The following PALM2AKAP2 variants were observed in gnomAD, a reference collection of about 807,000 sequenced individuals.
PALM2AKAP2 encodes PALM2 and AKAP2 fusion.
Under a neutral mutation model 71.5 loss-of-function variants are expected in PALM2AKAP2, and 37 were observed. That is an observed-to-expected ratio of 0.52 (90% CI 0.40 to 0.68). PALM2AKAP2 has a LOEUF of 0.68. Among genes scored for constraint, PALM2AKAP2 ranks in the 30% least tolerant of loss-of-function variants. The probability of loss-of-function intolerance (pLI) is 0.00; values close to 1 mark genes in which losing one functional copy is unlikely to be tolerated. For synonymous variants in PALM2AKAP2, 468 were observed against 478.8 expected, an observed-to-expected ratio of 0.98 and a Z score of 0.29; for missense variants, 1,224 against 1,191.8, an observed-to-expected ratio of 1.03 and a Z score of -0.40.
At chr9:109,881,852 C>T (rs1402193216) in intron 3 of PALM2AKAP2, among the ~76,000 whole-genome samples, 2 of 142,408 alleles carry the variant, frequency 1.4e-5, no homozygotes, top group Non-Finnish European at 3.1e-5. Flanking sequence ...GGAGCTTCAT[C>T]TCTGTCTTCT....
chr9:109,745,385 T>C (rs1022568405), intron 1 of PALM2AKAP2, among the ~76,000 whole-genome samples: 1 of 152,084 alleles, frequency 6.6e-6, no homozygotes, highest in Non-Finnish European at 1.5e-5. Context: ...AGGCTCATAG[T>C]TCCAGGCTCT....
chr9:109,827,657 A>G (rs1341069382), intron 1 of PALM2AKAP2, among the ~76,000 whole-genome samples: 1 of 152,160 alleles, frequency 6.6e-6, no homozygotes, highest in East Asian at 1.9e-4. Context: ...TGATCTACTG[A>G]ATGAGAATCC....
intron 1 of PALM2AKAP2, among the ~76,000 whole-genome samples, chr9:109,826,003 G>A (rs1474887182): frequency 2.0e-5 from 3 of 152,154 alleles, no homozygotes; most frequent in African/African-American, 4.8e-5. Context: ...AGAAAATGTG[G>A]CACATATGCA....
chr9:109,665,740 C>T (rs1459610922), intron 1 of PALM2AKAP2, among the ~76,000 whole-genome samples: 1 of 152,182 alleles, frequency 6.6e-6, no homozygotes, highest in Non-Finnish European at 1.5e-5. Flanking sequence ...CAGACTGGGA[C>T]GTTTAAATCT....
chr9:109,788,441 C>G (rs972341533), intron 1 of PALM2AKAP2, among the ~76,000 whole-genome samples: 1 of 152,200 alleles, frequency 6.6e-6, no homozygotes, highest in Non-Finnish European at 1.5e-5. Flanking sequence ...AACGTTAGTG[C>G]ATTAGGATCA....
At chr9:109,809,129 C>G (rs1827660255) in intron 1 of PALM2AKAP2, among the ~76,000 whole-genome samples, 1 of 152,184 alleles carries the variant, frequency 6.6e-6, no homozygotes, top group Admixed American at 6.5e-5. Flanking sequence ...ACACAGTGTC[C>G]CCACTAGGGC....
At chr9:109,965,076 G>A (rs1190137890) in intron 6 of PALM2AKAP2, among the ~76,000 whole-genome samples, 1 of 152,146 alleles carries the variant, frequency 6.6e-6, no homozygotes, top group Admixed American at 6.5e-5. Flanking sequence ...AAAATAAAAT[G>A]TTTATTAGTA....
At chr9:110,108,132 T>G (rs935298242) in intron 1 of PALM2AKAP2, among the ~76,000 whole-genome samples, 3 of 150,536 alleles carry the variant, frequency 2.0e-5, no homozygotes, top group African/African-American at 7.3e-5. Context: ...TTTTTTTTTT[T>G]GAGATGGAGT....
upstream of PALM2AKAP2, among the ~76,000 whole-genome samples, chr9:109,775,266 A>G (rs142497790): frequency 1.2e-4 from 18 of 152,332 alleles, no homozygotes; most frequent in East Asian, 3.1e-3. Flanking sequence ...ATTGATATTC[A>G]TTTCTAGCCA....
At chr9:110,152,485 T>C (rs1836344186) in intron 2 of PALM2AKAP2, among the ~76,000 whole-genome samples, 2 of 151,990 alleles carry the variant, frequency 1.3e-5, no homozygotes, top group South Asian at 4.2e-4. Context: ...CCATCATGGT[T>C]TGGGGAGTCT....
chr9:109,914,770 A>C (rs552707512), intron 3 of PALM2AKAP2, among the ~76,000 whole-genome samples: 127 of 152,298 alleles, frequency 8.3e-4, no homozygotes, highest in Middle Eastern at 3.4e-3. Flanking sequence ...GCGTAACCCT[A>C]GTCTATGTCT....
At chr9:109,833,874 C>G (rs540837120) in intron 1 of PALM2AKAP2, among the ~76,000 whole-genome samples, 1 of 152,304 alleles carries the variant, frequency 6.6e-6, no homozygotes, top group East Asian at 1.9e-4. Context: ...CCTCTGCTAC[C>G]TCCTTAAGGG....
At chr9:109,732,052 G>A (rs1167014001) in intron 1 of PALM2AKAP2, among the ~76,000 whole-genome samples, 1 of 152,202 alleles carries the variant, frequency 6.6e-6, no homozygotes, top group Non-Finnish European at 1.5e-5. Context: ...ACTTTGGCAG[G>A]AAGGACAATG....
chr9:109,955,467 A>G (rs1831729240), intron 6 of PALM2AKAP2, among the ~76,000 whole-genome samples: 1 of 152,244 alleles, frequency 6.6e-6, no homozygotes, highest in Non-Finnish European at 1.5e-5. Context: ...GATACTTTGT[A>G]GTCAACACCT....
chr9:109,821,426 C>T (rs188749120), intron 1 of PALM2AKAP2, among the ~76,000 whole-genome samples: 103 of 152,262 alleles, frequency 6.8e-4, no homozygotes, highest in Non-Finnish European at 1.4e-3. Flanking sequence ...AAATGAATGT[C>T]CACCCTCCAC....
chr9:109,878,144 A>G (rs1829759365), intron 2 of PALM2AKAP2, among the ~76,000 whole-genome samples: 1 of 152,204 alleles, frequency 6.6e-6, no homozygotes, highest in Non-Finnish European at 1.5e-5. Context: ...ATCTCTGATA[A>G]AGCTTTGATA....
At chr9:109,966,394 T>G (rs904499827) in intron 6 of PALM2AKAP2, among the ~76,000 whole-genome samples, 1 of 152,232 alleles carries the variant, frequency 6.6e-6, no homozygotes, top group Non-Finnish European at 1.5e-5. Context: ...AGCTCAACCC[T>G]GGAGCCAGGT....
At chr9:109,721,200 T>G (rs1564124722) in intron 1 of PALM2AKAP2, among the ~76,000 whole-genome samples, 2 of 152,218 alleles carry the variant, frequency 1.3e-5, no homozygotes, top group African/African-American at 4.8e-5. Context: ...ATCAGTCAGC[T>G]GAGCTGAGCT....
intron 1 of PALM2AKAP2, among the ~76,000 whole-genome samples, chr9:110,073,117 A>G (rs1030973191): frequency 6.6e-6 from 1 of 152,206 alleles, no homozygotes; most frequent in African/African-American, 2.4e-5. Context: ...TTGATTCTGT[A>G]ATTTCTTTTG....
Sources: allele counts gnomAD v4.1 joint callset (sites outside exome capture counted in the v4.1 genomes callset), GRCh38; gene constraint gnomAD v4.1.1; transcripts MANE v1.5; gene names NCBI Gene and HGNC (gene_info 2026-07-23, HGNC 2026-07-21).